Variants in DNAH1 observed in about 807,000 individuals in gnomAD.
DNAH1 encodes axonemal beta dynein heavy chain 1.
In DNAH1, 327 loss-of-function variants were observed where a neutral mutation model predicts 484.3. The observed-to-expected ratio is 0.68, with a 90% confidence interval of 0.62 to 0.74. The LOEUF (loss-of-function observed/expected upper bound fraction) is 0.74. Ranked by LOEUF, DNAH1 falls within the 30% of genes least tolerant of loss-of-function variation. The pLI is 0.00. For missense variants in DNAH1, 5,052 were observed against 5,546.8 expected (o/e 0.91, Z 2.83); for synonymous variants, 2,192 against 2,191.9 (o/e 1.00, Z 0.00).
intron 2 of DNAH1, among the ~76,000 whole-genome samples, chr3:52,322,989 G>A (rs1291649838): frequency 6.6e-6 from 1 of 151,958 alleles, no homozygotes; most frequent in Non-Finnish European, 1.5e-5. Context: ...CCATTCATTC[G>A]ACAACTCATT....
chr3:52,329,757 G>C (rs1016912531), intron 6 of DNAH1, among the ~76,000 whole-genome samples: 1 of 151,934 alleles, frequency 6.6e-6, no homozygotes, highest in African/African-American at 2.4e-5. Flanking sequence ...CCTGGAAAGC[G>C]GAGGTTGGAG....
chr3:52,362,862 A>G lies in DNAH1; in HGVS notation c.5095-133A>G. 8.0e-7 allele frequency: 1 copy of G among 1,243,372 alleles called. No homozygotes were observed. The highest frequency in any genetic ancestry group is 1.1e-6 in the Non-Finnish European group (1 of 874,172). 77.0% of individuals were successfully genotyped at this position (1,243,372 alleles called of 1,614,324 possible). A position where few individuals can be genotyped will look rare whatever the true frequency, so the allele number is the denominator to read the frequency against. ...ATGGCAGAGCTACCAGTCTCAGGGG[A>G]GTGAAAGCCTCAGCTGTGGCAGGCT... On this transcript the variant is annotated intron_variant, in intron 31 of 77. Transcript: ENST00000420323. This position sits in a 1 kb window ranked among gnomAD's most constrained non-coding sequence, Gnocchi z 5.1.
In DNAH1 at chr3:52,373,053, G is replaced by C; in HGVS notation, c.6985G>C (p.Gly2329Arg). ...CGGCTGGTACGACCGCAAGATCATT[G>C]GTGAGTGTGGCCGGCCTGGCTCACA... ...HGGWYDRKII[G>R]AFKNLVDINF... Residue 2329 changes from glycine to arginine, a missense_variant and splice_region_variant, in exon 44 of 78, where the codon GGT becomes CGT. Physicochemically the swap from Gly to Arg is moderately radical, Grantham distance 125. This residue lies in a region of DNAH1 where 2,929 missense variants were observed against 3,409.4 expected (regional missense o/e 0.86). Transcript: ENST00000420323. 1 of 1,609,242 alleles carries C rather than the reference G, an allele frequency of 6.2e-7. No homozygotes were observed. Among genetic ancestry groups the C allele is most frequent in the Non-Finnish European group, 8.5e-7 (1 of 1,177,880 alleles).
At chr3:52,373,850 T>TATGTTTGC in intron 44 of DNAH1, 1 of 1,412,136 alleles carries the variant, frequency 7.1e-7, no homozygotes. Flanking sequence ...AAGTAGTCCA[T>TATGTTTGC]ATGTTTGCAG....
Position 52,351,945 on chromosome 3 carries a change from A to G in DNAH1, c.2730-17A>G, listed in dbSNP as rs1578123632. 3 of 1,594,328 alleles carry G rather than the reference A, an allele frequency of 1.9e-6. 1 individual carries two copies. The highest frequency in any genetic ancestry group is 3.5e-5 in the Admixed American group (2 of 57,522). ...AGCCGCGATATTTCTCCCAATCCCC[A>G]CCCCCATCCCGGCCAGATGGATTGC... On this transcript the variant is annotated splice_polypyrimidine_tract_variant and intron_variant, in intron 16 of 77. Coordinates refer to ENST00000420323, the MANE Select transcript of DNAH1 (RefSeq NM_015512.5).
intron 25 of DNAH1, 43 bp from the exon 26 acceptor site, chr3:52,359,203 G>C: frequency 6.5e-7 from 1 of 1,548,564 alleles, no homozygotes; most frequent in African/African-American, 1.4e-5. Flanking sequence ...ATGGGATTGG[G>C]GCTGCGGCTG....
intron 37 of DNAH1, 130 bp downstream of exon 37, chr3:52,369,048 C>A: frequency 9.3e-7 from 1 of 1,074,260 alleles, no homozygotes; most frequent in African/African-American, 1.6e-5. Flanking sequence ...GGCTGTCACC[C>A]TGACTCAGCA....
At chr3:52,388,784 C>A (rs1359642474) in intron 58 of DNAH1, 22 bp from the exon 59 acceptor site, 4 of 1,612,202 alleles carry the variant, frequency 2.5e-6, no homozygotes, top group Non-Finnish European at 3.4e-6. Flanking sequence ...CCAGAGCCCA[C>A]CCCACGGGGC....
At chr3:52,393,103 A>G (rs1704469190) in intron 65 of DNAH1, 78 bp downstream of exon 65, 1 of 1,526,724 alleles carries the variant, frequency 6.5e-7, no homozygotes, top group Non-Finnish European at 9.0e-7. Context: ...GGCACACACA[A>G]ACTCACAACT....
intron 8 of DNAH1, among the ~76,000 whole-genome samples, chr3:52,333,952 TA>T (rs1367405610): frequency 2.0e-5 from 3 of 152,262 alleles, no homozygotes; most frequent in African/African-American, 7.2e-5. Flanking sequence ...AAGTGCATTT[TA>T]AACTTATGAT....
intron 44 of DNAH1, chr3:52,374,288 A>G (rs1490586886): frequency 6.5e-7 from 1 of 1,531,252 alleles, no homozygotes; most frequent in Non-Finnish European, 9.0e-7. Context: ...AGAAGAACAC[A>G]AGATTTTCTT....
At chr3:52,371,896 T>C (rs1368100004) in intron 41 of DNAH1, 50 bp from the exon 42 acceptor site, 4 of 1,596,866 alleles carry the variant, frequency 2.5e-6, no homozygotes, top group East Asian at 2.2e-5. Context: ...CAGCCAGGAG[T>C]GGGGCAGGGA....
In DNAH1 at chr3:52,375,438, G is replaced by A. The variant is rs768148192; in HGVS notation, c.7159+25G>A. ...GGTGAGTATTGGTGGGGGTGAGCAT[G>A]GACAAAGGCAGAAGCCCAGGCCAGG... On this transcript the variant is annotated intron_variant, in intron 45 of 77. Transcript: ENST00000420323. 2.5e-5 allele frequency: 40 copies of A among 1,603,334 alleles called. No individual in the cohort carries two copies. The South Asian group carries it at 4.1e-4, about 16-fold the overall frequency.
rs1702400929 is a variant in DNAH1, at chr3:52,351,953, C to A, written c.2730-9C>A. ...TATTTCTCCCAATCCCCACCCCCAT[C>A]CCGGCCAGATGGATTGCCAGCAACT... On this transcript the variant is annotated splice_polypyrimidine_tract_variant and intron_variant, in intron 16 of 77. Coordinates refer to ENST00000420323, the MANE Select transcript of DNAH1 (RefSeq NM_015512.5). 2.5e-6 allele frequency: 4 copies of A among 1,598,486 alleles called. No individual in the cohort carries two copies. Among genetic ancestry groups the A allele is most frequent in the Non-Finnish European group, 3.4e-6 (4 of 1,172,914 alleles).
At chr3:52,342,220 A>G (rs1390915305) in intron 8 of DNAH1, among the ~76,000 whole-genome samples, 1 of 152,258 alleles carries the variant, frequency 6.6e-6, no homozygotes, top group Non-Finnish European at 1.5e-5. Flanking sequence ...TGGGATGCAG[A>G]GAGAGATGTT....
chr3:52,381,757 C>T lies in DNAH1; in HGVS notation c.7726C>T (p.Arg2576Cys), dbSNP rs753944292. The T allele has an allele frequency of 2.2e-5, 36 of 1,604,850 alleles. No individual in the cohort carries two copies. The African/African-American group carries it at 2.5e-4, about 11-fold the overall frequency. The change falls in exon 49 of 78, where the codon CGC (arginine) becomes TGC (cysteine). Residue 2576 changes from arginine (R) to cysteine (C), a missense_variant. Physicochemically the swap from Arg to Cys is radical, Grantham distance 180. This residue lies in a region of DNAH1 where 2,929 missense variants were observed against 3,409.4 expected (regional missense o/e 0.86). Transcript: ENST00000420323. The surrounding 1 kb of genome is among the most constrained non-coding windows in gnomAD (Gnocchi z 4.1). ...SHICRISRTL[R>C]QALGNALLLG... ...CATCTGTCGCATCAGCCGCACCCTACGCCAGGCGCTGGGCAATGCACTCCT... is the reference window on the plus strand; with the variant it reads ...CATCTGTCGCATCAGCCGCACCCTATGCCAGGCGCTGGGCAATGCACTCCT...
In DNAH1 at chr3:52,363,094, A is replaced by T; in HGVS notation, c.5194A>T (p.Lys1732Ter). ...CTTTAATGAGGCCAGTGTGCTGGCTAAGAAGATCACAACCACCTTCAAGCT... is the reference window on the plus strand; with the variant it reads ...CTTTAATGAGGCCAGTGTGCTGGCTTAGAAGATCACAACCACCTTCAAGCT... ...FGFNEASVLAKKITTTFKLSS... is the reference protein window; with the variant it reads ...FGFNEASVLA Residue 1732 changes from lysine (K) to a stop codon, truncating the protein, a stop_gained, in exon 32 of 78, where the codon AAG (lysine) becomes TAG (stop). Coordinates refer to ENST00000420323, the MANE Select transcript of DNAH1 (RefSeq NM_015512.5). LOFTEE classifies it high-confidence loss of function. 1.2e-6 allele frequency: 2 copies of T among 1,613,982 alleles called. No individual in the cohort carries two copies. Among genetic ancestry groups the T allele is most frequent in the South Asian group, 2.2e-5 (2 of 91,080 alleles).
intron 14 of DNAH1, among the ~76,000 whole-genome samples, chr3:52,349,720 G>A (rs761673228): frequency 4.6e-5 from 7 of 152,214 alleles, no homozygotes; most frequent in South Asian, 2.1e-4. Flanking sequence ...TAGGGGATTC[G>A]AGTGCAGGCC....
intron 48 of DNAH1, among the ~76,000 whole-genome samples, chr3:52,380,649 G>A (rs1371685507): frequency 6.6e-6 from 1 of 152,208 alleles, no homozygotes; most frequent in African/African-American, 2.4e-5. Context: ...CCTGGGTCAG[G>A]CCTCGTGCAG....
Sources: gnomAD v4.1 joint callset for allele counts (sites outside exome capture counted in the v4.1 genomes callset) on GRCh38, gnomAD v4.1.1 for gene constraint, gnomAD v4.1.1 regional missense constraint, Gnocchi (gnomAD v3.1) non-coding constraint, MANE v1.5 for transcripts, NCBI Gene and HGNC (gene_info 2026-07-23, HGNC 2026-07-21) for gene names.